Variants in HMCN1 observed in about 807,000 individuals in gnomAD.
The protein encoded by HMCN1 is hemicentin 1.
HMCN1 carries 321 observed loss-of-function variants against 625.9 expected under a neutral mutation model. The observed-to-expected ratio is 0.51, with a 90% CI of 0.47 to 0.56. HMCN1 has a LOEUF of 0.56. HMCN1 is among the 20% of genes least tolerant of loss of function. HMCN1 has a pLI of 0.00. For synonymous variants in HMCN1, 2,425 were observed against 2,417.6 expected (o/e 1.00, Z -0.09); for missense variants, 6,588 against 6,887.3 (o/e 0.96, Z 1.54).
At position 185,909,456 on chromosome 1, in the gene HMCN1, C is replaced by G; in HGVS notation, c.741C>G (p.Val247=). ...RIPFDPSLKE[V]TVSLSGPSPM... is the part of the protein sequence containing the mutation. Reference sequence around the variant, plus strand: ...CTTTTGATCCCAGCCTGAAAGAGGTCACTGTGTCTTTGAGTGGGCCTTCTC... The same window carrying G: ...CTTTTGATCCCAGCCTGAAAGAGGTGACTGTGTCTTTGAGTGGGCCTTCTC... Residue 247 remains valine (V), a synonymous_variant, in exon 5 of 107, where the codon GTC becomes GTG. Coordinates refer to ENST00000271588, the MANE Select transcript of HMCN1 (RefSeq NM_031935.3). 1 of 1,613,620 alleles carries G rather than the reference C, an allele frequency of 6.2e-7. No homozygotes were observed. Among genetic ancestry groups the G allele is most frequent in the Non-Finnish European group, 8.5e-7 (1 of 1,179,674 alleles).
In HMCN1 at chr1:186,000,103, G is replaced by T. The variant is rs753029671; in HGVS notation, c.3933G>T (p.Glu1311Asp). The T allele has an allele frequency of 1.9e-6, 3 of 1,613,026 alleles. No homozygotes were observed. The highest frequency in any genetic ancestry group is 1.7e-5 in the Admixed American group (1 of 59,882). The change falls in exon 26 of 107, where the codon GAG becomes GAT. Residue 1311 changes from glutamate to aspartate, a missense_variant. Glu to Asp is a conservative substitution (Grantham distance 45, BLOSUM62 2). This residue lies in a region of HMCN1 where 4,628 missense variants were observed against 4,853.1 expected (regional missense o/e 0.95). Coordinates refer to ENST00000271588, the MANE Select transcript of HMCN1 (RefSeq NM_031935.3). The part of the protein sequence containing the change: ...LHNGRELTGR[E>D]PGISILEDGT... ...ATGGTAGAGAGTTGACAGGCAGAGA[G>T]CCTGGCATTTCTATCTTGGAAGATG...
At chr1:185,796,004 A>G (rs556360435) in intron 1 of HMCN1, among the ~76,000 whole-genome samples, 2 of 152,152 alleles carry the variant, frequency 1.3e-5, no homozygotes, top group African/African-American at 4.8e-5. Flanking sequence ...GTTAACACGG[A>G]TATCTTATGT....
In HMCN1 at chr1:185,904,828, T is replaced by G. The variant is rs140968006; in HGVS notation, c.622-4509T>G. On this transcript the variant is annotated intron_variant, in intron 4 of 106. Transcript: ENST00000271588. ...ACTACTGTATGCTTGCAGGTGTTAG[T>G]GTCAATTTTACACAATTTTTTTTCT... 2.0e-3 allele frequency among the ~76,000 whole-genome samples: 309 copies of G among 151,942 alleles called. 1 individual carries two copies. The highest frequency in any genetic ancestry group is 7.2e-3 in the African/African-American group (300 of 41,532).
At chr1:185,878,459 G>A (rs1237587594) in intron 4 of HMCN1, among the ~76,000 whole-genome samples, 3 of 152,168 alleles carry the variant, frequency 2.0e-5, no homozygotes, top group Non-Finnish European at 4.4e-5. Context: ...AAGGGATTTA[G>A]GGTTTTGTCA....
rs535131214 is a variant in HMCN1 at position 185,782,154 on chromosome 1, G to A, written c.268+47107G>A. On this transcript the variant is annotated intron_variant, in intron 1 of 106. Transcript: ENST00000271588. ...TTGGTTTAAAGTCTGTTTTATCAGA[G>A]ACTAGGATTGCAACCTCTGCCTTTT... Among the ~76,000 whole-genome samples, 7 of 152,220 alleles carry A rather than the reference G, an allele frequency of 4.6e-5. No homozygotes were observed. In the South Asian group the frequency reaches 1.2e-3, roughly 27 times the overall value.
chr1:185,734,730 A>C lies in HMCN1; in HGVS notation c.-50A>C. 1.3e-6 allele frequency: 2 copies of C among 1,590,486 alleles called. No homozygotes were observed. Among genetic ancestry groups the C allele is most frequent in the South Asian group, 2.2e-5 (2 of 90,508 alleles). ...CTCTGCCTGTTGTTGAGGAGGACTG[A>C]GCACAGTGCTTAGGCGCTGAGGGGG... On this transcript the variant is annotated 5_prime_UTR_variant, in exon 1 of 107. Coordinates refer to ENST00000271588, the MANE Select transcript of HMCN1 (RefSeq NM_031935.3).
chr1:185,950,662 T>C (rs1396928333), intron 11 of HMCN1, among the ~76,000 whole-genome samples: 3 of 151,540 alleles, frequency 2.0e-5, no homozygotes, highest in East Asian at 1.9e-4. Context: ...TCTGTGAAGC[T>C]TTGCAGCAGT....
chr1:185,816,867 A>C (rs536925372), intron 1 of HMCN1, among the ~76,000 whole-genome samples: 1 of 152,222 alleles, frequency 6.6e-6, no homozygotes, highest in Non-Finnish European at 1.5e-5. Context: ...GGCTGACCAT[A>C]GCACATTCTT....
In HMCN1 at chr1:185,928,732, G is replaced by T. The variant is rs1309290678; in HGVS notation, c.1552+65G>T. ...ATGCAGCTATGGAAATGGGATGTTT[G>T]TTAACCAGTTTGTGTTTATACAATT... On this transcript the variant is annotated intron_variant, in intron 10 of 106. Coordinates refer to ENST00000271588, the MANE Select transcript of HMCN1 (RefSeq NM_031935.3). 13 of 1,523,124 alleles carry T rather than the reference G, an allele frequency of 8.5e-6. No individual in the cohort carries two copies. The African/African-American group carries it at 1.8e-4, about 21-fold the overall frequency. The allele number at this position is 1,523,124 out of a possible 1,614,324, so 94.4% of individuals were successfully genotyped here.
chr1:186,018,244 C>T lies in HMCN1; in HGVS notation c.5362C>T (p.Arg1788Cys), dbSNP rs773084610. 29 of 1,612,554 alleles carry T rather than the reference C, an allele frequency of 1.8e-5. No homozygotes were observed. The highest frequency in any genetic ancestry group is 6.6e-5 in the South Asian group (6 of 91,052). Residue 1788 changes from arginine (R) to cysteine (C), a missense_variant, in exon 34 of 107, where the codon CGC becomes TGC. Arg to Cys is a radical substitution (Grantham distance 180). This residue lies in a region of HMCN1 where 4,628 missense variants were observed against 4,853.1 expected (regional missense o/e 0.95). Coordinates refer to ENST00000271588, the MANE Select transcript of HMCN1 (RefSeq NM_031935.3). ...RDGFKILLNG[R>C]KLVIAQAQVS... ...TGGATTCAAGATTTTATTAAATGGA[C>T]GCAAACTGGTTATTGCTCAGGCTCA... is the stretch of plus-strand genomic sequence containing the variant.
At chr1:186,037,650 TA>T in intron 36 of HMCN1, among the ~76,000 whole-genome samples, 1 of 152,258 alleles carries the variant, frequency 6.6e-6, no homozygotes, top group Admixed American at 6.5e-5. Context: ...TTAAGTAAAA[TA>T]AAAAATGTTT....
At chr1:185,783,690 G>C (rs566398440) in intron 1 of HMCN1, among the ~76,000 whole-genome samples, 1 of 152,310 alleles carries the variant, frequency 6.6e-6, no homozygotes, top group Admixed American at 6.5e-5. Context: ...GTTGATGCCT[G>C]ATCATTCCTC....
chr1:185,995,886 T>C (rs1652751528), intron 24 of HMCN1, among the ~76,000 whole-genome samples: 1 of 152,052 alleles, frequency 6.6e-6, no homozygotes, highest in Admixed American at 6.6e-5. Context: ...GATAAGCAGG[T>C]ATGGTATTTA....
At chr1:185,994,248 T>A (rs1244568821) in intron 23 of HMCN1, among the ~76,000 whole-genome samples, 1 of 152,088 alleles carries the variant, frequency 6.6e-6, no homozygotes, top group Non-Finnish European at 1.5e-5. Flanking sequence ...TTTGCTGGTG[T>A]TTTGATAAAC....
chr1:186,039,608 A>G, intron 38 of HMCN1, 120 bp from the exon 39 acceptor site: 1 of 1,128,956 alleles, frequency 8.9e-7, no homozygotes, highest in Non-Finnish European at 1.3e-6. Context: ...AGAACTTACC[A>G]AAAAACAAGC....
chr1:185,995,909 ATAGT>A (rs1652753541), intron 24 of HMCN1, among the ~76,000 whole-genome samples: 1 of 152,116 alleles, frequency 6.6e-6, no homozygotes, highest in Non-Finnish European at 1.5e-5. Flanking sequence ...ACAGTATTAG[ATAGT>A]TCTTAGCGCT....
At chr1:186,105,120 T>A (rs1283265365) in intron 69 of HMCN1, among the ~76,000 whole-genome samples, 3 of 152,202 alleles carry the variant, frequency 2.0e-5, no homozygotes, top group Non-Finnish European at 4.4e-5. Context: ...CTAGCTATTG[T>A]GGAGAATCCA....
At chr1:186,144,758 C>A in intron 91 of HMCN1, 55 bp downstream of exon 91, 5 of 1,581,672 alleles carry the variant, frequency 3.2e-6, no homozygotes, top group Middle Eastern at 1.7e-4. Flanking sequence ...TTCATTATGA[C>A]TGTAATTCCT....
chr1:185,909,335 AG>A lies in HMCN1; in HGVS notation c.622del. ...ACTTACACTTCTCTTTCTCTCTTAT[AG>A]GTATTAAAATGGGTAGAAGAAGCAG... On this transcript the variant is annotated splice_acceptor_variant, in intron 4 of 106. Coordinates refer to ENST00000271588, the MANE Select transcript of HMCN1 (RefSeq NM_031935.3). LOFTEE classifies it high-confidence loss of function. 1 of 1,606,220 alleles carries A rather than the reference AG, an allele frequency of 6.2e-7. No individual in the cohort carries two copies. The highest frequency in any genetic ancestry group is 1.7e-4 in the Middle Eastern group (1 of 6,020).
Sources: allele counts gnomAD v4.1 joint callset (sites outside exome capture counted in the v4.1 genomes callset), GRCh38; gene constraint gnomAD v4.1.1; regional missense constraint gnomAD v4.1.1; transcripts MANE v1.5; gene names NCBI Gene and HGNC (gene_info 2026-07-23, HGNC 2026-07-21).